Variants in PLXNB1 observed in about 807,000 individuals in gnomAD.
PLXNB1 encodes the protein plexin B1.
A neutral mutation model predicts 209.4 loss-of-function variants in PLXNB1; 106 were observed. The ratio of observed to expected loss-of-function variants is 0.51; its 90% CI spans 0.43 to 0.59. The LOEUF is 0.59. Among genes scored for constraint, PLXNB1 ranks in the 20% least tolerant of loss-of-function variants. The pLI, the probability that PLXNB1 is intolerant of heterozygous loss-of-function variation, is 0.00. For missense variants in PLXNB1, 2,357 were observed against 2,853.2 expected (o/e 0.83, Z 3.96); for synonymous variants, 1,167 against 1,183.2 (o/e 0.99, Z 0.28).
At position 48,412,205 on chromosome 3, in the gene PLXNB1, G is replaced by C. The variant is rs778486038; in HGVS notation, c.5100+33C>G. The C allele has an allele frequency of 4.0e-5, 64 of 1,608,034 alleles. No individual in the cohort carries two copies. The Admixed American group carries it at 1.1e-3, about 27-fold the overall frequency. On this transcript the variant is annotated intron_variant, in intron 27 of 37. Transcript: ENST00000296440. ...AAGTTTGGAGGGCCTGACCCTCCCT[G>C]GACAGGAGCCCTGTCCACCTCTGCC...
In PLXNB1 at chr3:48,421,792, G is replaced by A. The variant is rs763282864; in HGVS notation, c.1535C>T (p.Ser512Phe). The change falls in exon 7 of 38, where the codon TCT becomes TTT. Residue 512 changes from serine to phenylalanine, a missense_variant. Around this residue, in one of 7 missense-constraint regions of PLXNB1, gnomAD observed 214 missense variants for 297.1 expected, o/e 0.72. Transcript: ENST00000296440. ...CVLLGRCSRR[S>F]ECSRGQGPEQ... Reference sequence around the variant, plus strand: ...TGGGCCCTGGCCCCTCGAGCACTCAGAACGGCGACTGCACCTGGGCGAGAT... The same window carrying A: ...TGGGCCCTGGCCCCTCGAGCACTCAAAACGGCGACTGCACCTGGGCGAGAT... The A allele has an allele frequency of 3.9e-5, 63 of 1,599,050 alleles. No individual in the cohort carries two copies. Among genetic ancestry groups the A allele is most frequent in the Non-Finnish European group, 5.2e-5 (61 of 1,168,348 alleles).
rs1275997751 is a variant in PLXNB1 at position 48,422,823 on chromosome 3, G to A, written c.1232C>T (p.Thr411Ile). The A allele has an allele frequency of 6.2e-7, 1 of 1,614,120 alleles. No homozygotes were observed. Among genetic ancestry groups the A allele is most frequent in the Non-Finnish European group, 8.5e-7 (1 of 1,179,990 alleles). ...PGIQLTAVAV[T>I]MEDGHTIAFL... is the part of the protein sequence containing the mutation. ...AGCGATGGTGTGTCCATCTTCCATG[G>A]TGACTGCCACAGCTGTTAGCTGAAT... Residue 411 changes from threonine (T) to isoleucine (I), a missense_variant, in exon 4 of 38, where the codon ACC becomes ATC. Coordinates refer to ENST00000296440, the MANE Select transcript of PLXNB1 (RefSeq NM_001130082.3).
intron 1 of PLXNB1, among the ~76,000 whole-genome samples, chr3:48,425,924 C>T (rs913152667): frequency 6.6e-6 from 1 of 152,076 alleles, no homozygotes; most frequent in African/African-American, 2.4e-5. Context: ...CACATGAAGA[C>T]ACATCCATAT....
At chr3:48,404,640 T>G in intron 37 of PLXNB1, 50 bp from the exon 38 acceptor site, 1 of 1,329,022 alleles carries the variant, frequency 7.5e-7, no homozygotes, top group Non-Finnish European at 1.1e-6. Context: ...GCCAACGTGT[T>G]TGCTGCAAAA....
intron 34 of PLXNB1, among the ~76,000 whole-genome samples, chr3:48,408,468 G>A (rs1033260248): frequency 7.9e-5 from 12 of 152,110 alleles, no homozygotes; most frequent in African/African-American, 2.9e-4. Context: ...ACACCTTGGG[G>A]ACCTCATATG....
chr3:48,412,907 G>C lies in PLXNB1; in HGVS notation c.4689C>G (p.Ile1563Met). 6.2e-7 allele frequency: 1 copy of C among 1,614,142 alleles called. No homozygotes were observed. Among genetic ancestry groups the C allele is most frequent in the Middle Eastern group, 1.6e-4 (1 of 6,062 alleles). ...CATACACCTTGTAGTCGAGGAAGGG[G>C]ATGCCGCTGCCCAGGAGGTCACTGG... ...DLTSDLLGSG[I>M]PFLDYKVYAE... The change falls in exon 25 of 38, where the codon ATC becomes ATG. Residue 1563 changes from isoleucine to methionine, a missense_variant. Transcript: ENST00000296440.
rs1213279750 is a variant in PLXNB1, at chr3:48,424,387, G to A, written c.225C>T (p.Asp75=). ...TCACAGGTGGCAGGCAGTCCCTGCT[G>A]TCTAGCACAGGGCCGGTGGACACTG... is the stretch of plus-strand genomic sequence containing the variant. ...EATVSTGPVL[D]SRDCLPPVMP... The change falls in exon 3 of 38, where the codon GAC becomes GAT. Residue 75 remains aspartate (D), a synonymous_variant. Transcript: ENST00000296440. 2 of 1,558,054 alleles carry A rather than the reference G, an allele frequency of 1.3e-6. No individual in the cohort carries two copies. Among genetic ancestry groups the A allele is most frequent in the East Asian group, 2.4e-5 (1 of 41,374 alleles).
chr3:48,411,724 G>A lies in PLXNB1; in HGVS notation c.5247+139C>T. On this transcript the variant is annotated intron_variant, in intron 28 of 37. Transcript: ENST00000296440. The surrounding 1 kb of genome is among the most constrained non-coding windows in gnomAD (Gnocchi z 4.0). Reference sequence around the variant, plus strand: ...AAGCTAGTCTGATGGGCTCTCTCCAGGAGCCAGCCAGAGGTCAACCCAGCT... The same window carrying A: ...AAGCTAGTCTGATGGGCTCTCTCCAAGAGCCAGCCAGAGGTCAACCCAGCT... 1 of 961,674 alleles carries A rather than the reference G, an allele frequency of 1.0e-6. No individual in the cohort carries two copies. Among genetic ancestry groups the A allele is most frequent in the Non-Finnish European group, 1.6e-6 (1 of 639,822 alleles). The allele number at this position is 961,674 out of a possible 1,614,324, so 59.6% of individuals were successfully genotyped here. A position where few individuals can be genotyped will look rare whatever the true frequency, so the allele number is the denominator to read the frequency against.
At chr3:48,426,574 C>G (rs866861638) in intron 1 of PLXNB1, among the ~76,000 whole-genome samples, 1 of 152,176 alleles carries the variant, frequency 6.6e-6, no homozygotes, top group Admixed American at 6.5e-5. Context: ...TGAACAGGGC[C>G]GGGCACAAGG....
rs2038551839 is a variant in PLXNB1, at chr3:48,421,903, C to G, written c.1521-97G>C. The stretch of plus-strand genomic sequence containing the variant: ...CAATCTGGAGGACCTGGGCAGGGCC[C>G]TAGAGTGGGCATGATAGAGGCTCCT... On this transcript the variant is annotated intron_variant, in intron 6 of 37. Coordinates refer to ENST00000296440, the MANE Select transcript of PLXNB1 (RefSeq NM_001130082.3). 4 of 1,509,926 alleles carry G rather than the reference C, an allele frequency of 2.6e-6. No homozygotes were observed. In the Admixed American group the frequency reaches 8.2e-5, roughly 31 times the overall value. 93.5% of individuals were successfully genotyped at this position (1,509,926 alleles called of 1,614,324 possible). A position where few individuals can be genotyped will look rare whatever the true frequency, so the allele number is the denominator to read the frequency against.
Position 48,412,964 on chromosome 3 carries a change from T to A in PLXNB1, c.4637-5A>T. The A allele has an allele frequency of 6.2e-7, 1 of 1,613,908 alleles. No individual in the cohort carries two copies. The highest frequency in any genetic ancestry group is 8.5e-7 in the Non-Finnish European group (1 of 1,179,798). On this transcript the variant is annotated splice_polypyrimidine_tract_variant and splice_region_variant and intron_variant, in intron 24 of 37. Coordinates refer to ENST00000296440, the MANE Select transcript of PLXNB1 (RefSeq NM_001130082.3). ...CGGTCATCTCAGTCATGAGGTCTGT[T>A]AAGCAGAAGAGGCCAGGTTAAGCAC...
rs1476872243 is a variant in PLXNB1, at chr3:48,424,552, G to A, written c.60C>T (p.Leu20=). Residue 20 remains leucine, a synonymous_variant, in exon 3 of 38, where the codon CTC becomes CTT. Coordinates refer to ENST00000296440, the MANE Select transcript of PLXNB1 (RefSeq NM_001130082.3). The part of the protein sequence containing the change: ...QALWAGWVLT[L]QPLPPTAFTP... Reference sequence around the variant, plus strand: ...TGAATGCAGTTGGTGGAAGGGGCTGGAGGGTGAGGACCCACCCGGCCCAGA... The same window carrying A: ...TGAATGCAGTTGGTGGAAGGGGCTGAAGGGTGAGGACCCACCCGGCCCAGA... 2 of 1,568,060 alleles carry A rather than the reference G, an allele frequency of 1.3e-6. No homozygotes were observed. The highest frequency in any genetic ancestry group is 1.2e-5 in the South Asian group (1 of 85,734).
At chr3:48,427,707 G>A (rs1050981483) in intron 1 of PLXNB1, among the ~76,000 whole-genome samples, 1 of 152,162 alleles carries the variant, frequency 6.6e-6, no homozygotes, top group African/African-American at 2.4e-5. Flanking sequence ...CCGCTGCACA[G>A]GCTCTTGCCG....
At chr3:48,421,177 C>G (rs549206692) in intron 8 of PLXNB1, 51 bp downstream of exon 8, 251 of 1,582,386 alleles carry the variant, frequency 1.6e-4, no homozygotes, top group South Asian at 1.4e-4. Flanking sequence ...CCCACCGCAT[C>G]CCCTGAAGCA....
chr3:48,411,735 G>A lies in PLXNB1; in HGVS notation c.5247+128C>T. The A allele has an allele frequency of 9.1e-7, 1 of 1,099,814 alleles. No homozygotes were observed. The highest frequency in any genetic ancestry group is 1.5e-5 in the South Asian group (1 of 67,026). 68.1% of individuals were successfully genotyped at this position (1,099,814 alleles called of 1,614,324 possible). A position where few individuals can be genotyped will look rare whatever the true frequency, so the allele number is the denominator to read the frequency against. ...ATGGGCTCTCTCCAGGAGCCAGCCA[G>A]AGGTCAACCCAGCTCTACATCCAGG... is the stretch of plus-strand genomic sequence containing the variant. On this transcript the variant is annotated intron_variant, in intron 28 of 37. Coordinates refer to ENST00000296440, the MANE Select transcript of PLXNB1 (RefSeq NM_001130082.3). This position sits in a 1 kb window ranked among gnomAD's most constrained non-coding sequence, Gnocchi z 4.0.
intron 4 of PLXNB1, 25 bp from the exon 5 acceptor site, chr3:48,422,484 G>C: frequency 3.9e-6 from 6 of 1,556,160 alleles, no homozygotes; most frequent in Non-Finnish European, 5.2e-6. Context: ...CACAGGGTCT[G>C]GGACCCAAGT....
At position 48,415,530 on chromosome 3, in the gene PLXNB1, G is replaced by A; in HGVS notation, c.3794+53C>T. 2.0e-6 allele frequency: 3 copies of A among 1,501,340 alleles called. No individual in the cohort carries two copies. Among genetic ancestry groups the A allele is most frequent in the Non-Finnish European group, 1.8e-6 (2 of 1,109,858 alleles). 93.0% of individuals were successfully genotyped at this position (1,501,340 alleles called of 1,614,324 possible). On this transcript the variant is annotated intron_variant, in intron 19 of 37. Coordinates refer to ENST00000296440, the MANE Select transcript of PLXNB1 (RefSeq NM_001130082.3). This position sits in a 1 kb window ranked among gnomAD's most constrained non-coding sequence, Gnocchi z 5.0. ...GCCCTACAAACCCCCACATAGTGGA[G>A]CTGCAAAGACCTCCCTGCCACCTGC...
chr3:48,411,054 G>C lies in PLXNB1; in HGVS notation c.5248-18C>G, dbSNP rs754854103. 1 of 1,601,888 alleles carries C rather than the reference G, an allele frequency of 6.2e-7. No homozygotes were observed. The highest frequency in any genetic ancestry group is 8.5e-7 in the Non-Finnish European group (1 of 1,172,172). On this transcript the variant is annotated intron_variant, in intron 28 of 37. Transcript: ENST00000296440. This position sits in a 1 kb window ranked among gnomAD's most constrained non-coding sequence, Gnocchi z 4.0. Reference sequence around the variant, plus strand: ...TTCAAGGTCTGTGCAGGACACACAGGAGCCATCAGGGTTCATGTGCACTCA... The same window carrying C: ...TTCAAGGTCTGTGCAGGACACACAGCAGCCATCAGGGTTCATGTGCACTCA...
chr3:48,412,134 C>T, intron 27 of PLXNB1, 104 bp downstream of exon 27: 1 of 1,487,012 alleles, frequency 6.7e-7, no homozygotes, highest in Non-Finnish European at 9.3e-7. Flanking sequence ...GCAGGAGTCT[C>T]TGCTCTGGCA....
Sources: gnomAD v4.1 joint callset for allele counts (sites outside exome capture counted in the v4.1 genomes callset) on GRCh38, gnomAD v4.1.1 for gene constraint, gnomAD v4.1.1 regional missense constraint, Gnocchi (gnomAD v3.1) non-coding constraint, MANE v1.5 for transcripts, NCBI Gene and HGNC (gene_info 2026-07-23, HGNC 2026-07-21) for gene names.